Variants in ATG9B observed in about 807,000 individuals in gnomAD.
ATG9B encodes the protein autophagy related 9B.
In ATG9B, 92 loss-of-function variants were observed where a neutral mutation model predicts 92.9. The observed-to-expected ratio is 0.99, with a 90% CI of 0.84 to 1.18. The LOEUF is 1.18. Among genes scored for constraint, ATG9B ranks in the 50% most tolerant of loss-of-function variants. The pLI is 0.00. For synonymous variants in ATG9B, 599 were observed against 551.4 expected (o/e 1.09, Z -1.21); for missense variants, 1,344 against 1,235.0 (o/e 1.09, Z -1.32).
Position 151,017,975 on chromosome 7 carries a change from G to C in ATG9B, c.1948C>G (p.Leu650Val). The change falls in exon 8 of 14, where the codon CTG becomes GTG. Residue 650 changes from leucine (L) to valine (V), a missense_variant. Leu to Val is a conservative substitution (Grantham distance 32). Transcript: ENST00000639579. Reference protein sequence around the residue: ...FLLFWFRPRALEIIDFFHHFT... With the variant: ...FLLFWFRPRAVEIIDFFHHFT... Reference sequence around the variant, plus strand: ...TGATGAAAAAAGTCGATAATCTCCAGGGCACGAGGGCGGAACCAGAAAAGC... The same window carrying C: ...TGATGAAAAAAGTCGATAATCTCCACGGCACGAGGGCGGAACCAGAAAAGC... 1 of 1,606,386 alleles carries C rather than the reference G, an allele frequency of 6.2e-7. No homozygotes were observed. Among genetic ancestry groups the C allele is most frequent in the Non-Finnish European group, 8.5e-7 (1 of 1,176,180 alleles).
At chr7:151,020,709 T>C (rs1311893834) in intron 5 of ATG9B, among the ~76,000 whole-genome samples, 2 of 152,218 alleles carry the variant, frequency 1.3e-5, no homozygotes, top group Non-Finnish European at 2.9e-5. Flanking sequence ...AGTGGCTTCC[T>C]GCAATGCGGG....
Position 151,017,963 on chromosome 7 carries a change from CGATA to C in ATG9B, c.1956_1959del (p.Ile652MetfsTer25). ...TCCACAGTGAAGTGATGAAAAAAGTCGATAATCTCCAGGGCACGAGGGCGGAACC... is the reference window on the plus strand; with the variant it reads ...TCCACAGTGAAGTGATGAAAAAAGTCATCTCCAGGGCACGAGGGCGGAACC... On this transcript the variant is annotated frameshift_variant, in exon 8 of 14. Transcript: ENST00000639579. LOFTEE classifies it high-confidence loss of function. 2 of 1,607,870 alleles carry C rather than the reference CGATA, an allele frequency of 1.2e-6. No individual in the cohort carries two copies. Among genetic ancestry groups the C allele is most frequent in the Non-Finnish European group, 1.7e-6 (2 of 1,176,924 alleles).
Position 151,023,713 on chromosome 7 carries a change from G to C in ATG9B, c.568C>G (p.Gln190Glu). 6.2e-7 allele frequency: 1 copy of C among 1,614,078 alleles called. No individual in the cohort carries two copies. The highest frequency in any genetic ancestry group is 8.5e-7 in the Non-Finnish European group (1 of 1,180,030). ...TTGGTGAAGAAACTGTCCAGGTTCTGGATGTGATGCCAGGAGCCTGGGCAC... is the reference window on the plus strand; with the variant it reads ...TTGGTGAAGAAACTGTCCAGGTTCTCGATGTGATGCCAGGAGCCTGGGCAC... ...EGLRGSWHHI[Q>E]NLDSFFTKIY... The change falls in exon 2 of 14, where the codon CAG (glutamine) becomes GAG (glutamate). Residue 190 changes from glutamine to glutamate, a missense_variant. Transcript: ENST00000639579.
rs763704183 is a variant in ATG9B, at chr7:151,023,745, G to T, written c.551-15C>A. ...ATGCCAGGAGCCTGGGCACAGAGGG[G>T]AGAGTGTCAGCCCCTGGCATGTGAT... On this transcript the variant is annotated splice_polypyrimidine_tract_variant and intron_variant, in intron 1 of 13. Coordinates refer to ENST00000639579, the MANE Select transcript of ATG9B (RefSeq NM_001317056.2). The T allele has an allele frequency of 6.2e-7, 1 of 1,613,996 alleles. No homozygotes were observed. The highest frequency in any genetic ancestry group is 1.1e-5 in the South Asian group (1 of 91,088).
At position 151,022,146 on chromosome 7, in the gene ATG9B, G is replaced by A. The variant is rs1029063842; in HGVS notation, c.822-817C>T. ...TGGCAAAGAGAACATTGCAATCCAT[G>A]CTTCAGGGAGGAAGGTTGTGAAGGC... On this transcript the variant is annotated intron_variant, in intron 4 of 13. Transcript: ENST00000639579. 4.0e-5 allele frequency among the ~76,000 whole-genome samples: 6 copies of A among 148,560 alleles called. 1 individual carries two copies. Among genetic ancestry groups the A allele is most frequent in the African/African-American group, 1.5e-4 (6 of 39,496 alleles).
In ATG9B at chr7:151,021,339, G is replaced by C. The variant is rs1795740814; in HGVS notation, c.822-10C>G. The C allele has an allele frequency of 1.3e-6, 2 of 1,584,664 alleles. No homozygotes were observed. Among genetic ancestry groups the C allele is most frequent in the South Asian group, 2.3e-5 (2 of 87,466 alleles). On this transcript the variant is annotated splice_polypyrimidine_tract_variant and intron_variant, in intron 4 of 13. Transcript: ENST00000639579. Reference sequence around the variant, plus strand: ...CGGGCTGGAGCGGATCCTGTATGGGGTTGGGCGGGCAGTGGGGGAGAAAGG... The same window carrying C: ...CGGGCTGGAGCGGATCCTGTATGGGCTTGGGCGGGCAGTGGGGGAGAAAGG...
downstream of ATG9B, chr7:151,012,558 A>G: frequency 2.0e-6 from 3 of 1,474,396 alleles, no homozygotes; most frequent in Non-Finnish European, 2.8e-6. Flanking sequence ...GAAATAGGAA[A>G]GAGAGGGCAG....
rs1356258312 is a variant in ATG9B, at chr7:151,018,865, G to A, written c.1473C>T (p.His491=). The part of the protein sequence containing the change: ...WSRLARLQLR[H]FNELPHELRA... The stretch of plus-strand genomic sequence containing the variant: ...GCAGCTCGTGCGGCAGCTCGTTGAA[G>A]TGGCGCAGCTGCAAGCGCGCCAGGC... The change falls in exon 6 of 14, where the codon CAC becomes CAT. Residue 491 remains histidine, a synonymous_variant. Transcript: ENST00000639579. The surrounding 1 kb of genome is among the most constrained non-coding windows in gnomAD (Gnocchi z 4.7). 3.0e-6 allele frequency: 4 copies of A among 1,338,560 alleles called. No homozygotes were observed. Among genetic ancestry groups the A allele is most frequent in the Non-Finnish European group, 3.8e-6 (4 of 1,049,704 alleles). 82.9% of individuals were successfully genotyped at this position (1,338,560 alleles called of 1,614,324 possible).
At chr7:151,023,262 G>A in intron 3 of ATG9B, 56 bp from the exon 4 acceptor site, 2 of 1,611,592 alleles carry the variant, frequency 1.2e-6, no homozygotes, top group Non-Finnish European at 1.7e-6. Context: ...ACAGCCAGGT[G>A]GGCTCCTGCC....
intron 1 of ATG9B, 27 bp downstream of exon 1, chr7:151,023,847 C>T (rs78586299): frequency 1.2e-6 from 2 of 1,609,884 alleles, no homozygotes; most frequent in Non-Finnish European, 8.5e-7. Flanking sequence ...ACCACTAACC[C>T]TCTCCCACCC....
chr7:151,024,164 C>A lies in ATG9B; in HGVS notation c.260G>T (p.Cys87Phe), dbSNP rs373879399. 30 of 1,559,162 alleles carry A rather than the reference C, an allele frequency of 1.9e-5. No homozygotes were observed. The African/African-American group carries it at 2.7e-4, about 14-fold the overall frequency. The change falls in exon 1 of 14, where the codon TGC becomes TTC. Residue 87 changes from cysteine to phenylalanine, a missense_variant. Transcript: ENST00000639579. The stretch of plus-strand genomic sequence containing the variant: ...GGCTGGGATAGGGAGAGCACTGTGG[C>A]AAGACTGAGAAGCCCCTGTCCCCTG... ...VLQGTGASQS[C>F]HSALPIPATP... is the part of the protein sequence containing the mutation.
At chr7:151,014,095 T>C (rs140184474), downstream of ATG9B, 9 of 1,613,680 alleles carry the variant, frequency 5.6e-6, no homozygotes, top group African/African-American at 1.1e-4. Flanking sequence ...GAGCTTTTCC[T>C]TGCAGGAGCG....
In ATG9B at chr7:151,018,673, C is replaced by T; in HGVS notation, c.1665G>A (p.Val555=). The T allele has an allele frequency of 6.2e-7, 1 of 1,605,956 alleles. No homozygotes were observed. The highest frequency in any genetic ancestry group is 8.5e-7 in the Non-Finnish European group (1 of 1,178,422). The change falls in exon 6 of 14, where the codon GTG becomes GTA. Residue 555 remains valine, a synonymous_variant. Coordinates refer to ENST00000639579, the MANE Select transcript of ATG9B (RefSeq NM_001317056.2). This position sits in a 1 kb window ranked among gnomAD's most constrained non-coding sequence, Gnocchi z 4.7. ...LTVYDEDVLA[V]EHVLTAMTAL... ...CGGTCATGGCGGTGAGCACGTGCTCCACGGCTAGCACGTCCTCGTCGTAGA... is the reference window on the plus strand; with the variant it reads ...CGGTCATGGCGGTGAGCACGTGCTCTACGGCTAGCACGTCCTCGTCGTAGA...
At position 151,023,497 on chromosome 7, in the gene ATG9B, G is replaced by A; in HGVS notation, c.607C>T (p.His203Tyr). Residue 203 changes from histidine (H) to tyrosine (Y), a missense_variant, in exon 3 of 14, where the codon CAC (histidine) becomes TAC (tyrosine). His to Tyr is a moderately conservative substitution (Grantham distance 83, BLOSUM62 2). Transcript: ENST00000639579. ...DSFFTKIYSYHQRNGFACILL... is the reference protein window; with the variant it reads ...DSFFTKIYSYYQRNGFACILL... ...ATGCAGGCAAAGCCATTCCGCTGGT[G>A]GTAGCTGTAGATGTGGCTGCGTGTC... 1.2e-6 allele frequency: 2 copies of A among 1,612,762 alleles called. No individual in the cohort carries two copies. Among genetic ancestry groups the A allele is most frequent in the Non-Finnish European group, 1.7e-6 (2 of 1,179,428 alleles).
rs1300973214 is a variant in ATG9B, at chr7:151,021,293, G to C, written c.858C>G (p.Val286=). Reference sequence around the variant, plus strand: ...GGACCAGCCAGAAGCCGGCAGCCAGGACCAGGAGGAGGACCAGCAGCGGGC... The same window carrying C: ...GGACCAGCCAGAAGCCGGCAGCCAGCACCAGGAGGAGGACCAGCAGCGGGC... ...RSSPLLVLLL[V]LAAGFWLVQL... Residue 286 remains valine, a synonymous_variant, in exon 5 of 14, where the codon GTC becomes GTG. Coordinates refer to ENST00000639579, the MANE Select transcript of ATG9B (RefSeq NM_001317056.2). 2 of 1,613,324 alleles carry C rather than the reference G, an allele frequency of 1.2e-6. No individual in the cohort carries two copies.
At chr7:151,017,710 C>T (rs1194428344) in intron 8 of ATG9B, among the ~76,000 whole-genome samples, 161 bp downstream of exon 8, 2 of 152,188 alleles carry the variant, frequency 1.3e-5, no homozygotes, top group Non-Finnish European at 2.9e-5. Context: ...GCCATTGTTG[C>T]CATCTGACAG....
intron 5 of ATG9B, 118 bp from the exon 6 acceptor site, chr7:151,019,492 C>T (rs1795670280): frequency 7.5e-7 from 1 of 1,326,154 alleles, no homozygotes; most frequent in South Asian, 1.6e-5. Flanking sequence ...CGATCACAAA[C>T]TCGCCATGAC....
chr7:151,024,335 A>G lies in ATG9B; in HGVS notation c.89T>C (p.Met30Thr). ...AGGAGGAGGAGGAGGTGGCAGTGGC[A>G]TGGGGAGGAGGGGCACCGATCCGGG... ...LGPGSVPLLP[M>T]PLPPPPPPSC... The change falls in exon 1 of 14, where the codon ATG becomes ACG. Residue 30 changes from methionine (M) to threonine (T), a missense_variant. By Grantham distance (81) the Met-to-Thr change is moderately conservative (BLOSUM62 -1). Coordinates refer to ENST00000639579, the MANE Select transcript of ATG9B (RefSeq NM_001317056.2). 5 of 1,423,496 alleles carry G rather than the reference A, an allele frequency of 3.5e-6. No individual in the cohort carries two copies. The South Asian group carries it at 6.7e-5, about 19-fold the overall frequency. The allele number at this position is 1,423,496 out of a possible 1,614,324, so 88.2% of individuals were successfully genotyped here.
chr7:151,014,176 C>G, downstream of ATG9B: 1 of 1,592,642 alleles, frequency 6.3e-7, no homozygotes, highest in African/African-American at 1.3e-5. Flanking sequence ...CTGAGAGCCG[C>G]CTGGCTTTCC....
Sources: allele counts gnomAD v4.1 joint callset (sites outside exome capture counted in the v4.1 genomes callset), GRCh38; gene constraint gnomAD v4.1.1; non-coding constraint Gnocchi (gnomAD v3.1); transcripts MANE v1.5; gene names NCBI Gene and HGNC (gene_info 2026-07-23, HGNC 2026-07-21).